KCNIP4: variants seen among roughly 807,000 people sequenced by gnomAD.
KCNIP4 encodes the protein potassium voltage-gated channel interacting protein 4.
A neutral mutation model predicts 34.0 loss-of-function variants in KCNIP4; 12 were observed. The observed-to-expected ratio is 0.35, with a 90% confidence interval of 0.23 to 0.57. KCNIP4 has a LOEUF of 0.57. KCNIP4 is among the 20% of genes least tolerant of loss of function. The pLI is 0.83. For missense variants in KCNIP4, 238 were observed against 311.7 expected (o/e 0.76, Z 1.78); for synonymous variants, 124 against 102.2 (o/e 1.21, Z -1.29).
intron 1 of KCNIP4, among the ~76,000 whole-genome samples, chr4:21,097,864 A>G (rs184970932): frequency 1.3e-5 from 2 of 152,298 alleles, no homozygotes; most frequent in African/African-American, 4.8e-5. Context: ...GGTTAAGTTT[A>G]GTAAGGAATG....
At chr4:21,547,737 T>A (rs1160779522) in intron 1 of KCNIP4, among the ~76,000 whole-genome samples, 2 of 152,098 alleles carry the variant, frequency 1.3e-5, no homozygotes, top group Non-Finnish European at 2.9e-5. Flanking sequence ...GATTTCAGAT[T>A]TTTTTTGGAT....
intron 1 of KCNIP4, among the ~76,000 whole-genome samples, chr4:21,270,228 G>A (rs529511120): frequency 2.0e-5 from 3 of 152,186 alleles, no homozygotes; most frequent in South Asian, 2.1e-4. Context: ...ACACTTACAC[G>A]GAAATCCAGA....
chr4:21,332,496 G>A (rs1715756720), intron 1 of KCNIP4, among the ~76,000 whole-genome samples: 3 of 152,018 alleles, frequency 2.0e-5, no homozygotes, highest in East Asian at 1.9e-4. Flanking sequence ...AAAGAGAACT[G>A]TCAATTCTAC....
intron 3 of KCNIP4, among the ~76,000 whole-genome samples, chr4:20,804,635 C>A (rs1054603089): frequency 5.9e-5 from 9 of 152,120 alleles, no homozygotes; most frequent in African/African-American, 2.2e-4. Flanking sequence ...CTTAAGAAAG[C>A]ACCTTTTGTT....
chr4:21,492,032 A>G (rs961617648), intron 1 of KCNIP4, among the ~76,000 whole-genome samples: 2 of 152,188 alleles, frequency 1.3e-5, no homozygotes, highest in East Asian at 3.9e-4. Context: ...TAGATTCTCT[A>G]CTGTATCCAA....
Position 20,909,796 on chromosome 4 carries a change from T to C in KCNIP4, c.62-27087A>G, listed in dbSNP as rs372899877. ...TTTTTTTCATGGATGGGTGAAGGCTTATGCTTTTGTGATGACAGTCATGAC... is the reference window on the plus strand; with the variant it reads ...TTTTTTTCATGGATGGGTGAAGGCTCATGCTTTTGTGATGACAGTCATGAC... On this transcript the variant is annotated intron_variant, in intron 1 of 8. Coordinates refer to ENST00000382152, the MANE Select transcript of KCNIP4 (RefSeq NM_025221.6). Among the ~76,000 whole-genome samples the C allele has an allele frequency of 1.6e-4, 25 of 152,278 alleles. No individual in the cohort carries two copies. The South Asian group carries it at 3.3e-3, about 20-fold the overall frequency.
intron 1 of KCNIP4, among the ~76,000 whole-genome samples, chr4:21,764,249 T>A (rs1261241507): frequency 1.3e-5 from 2 of 152,064 alleles, no homozygotes; most frequent in African/African-American, 4.8e-5. Context: ...AATGTGGCCA[T>A]AACACCAGCC....
chr4:21,093,606 G>A (rs967880811), intron 1 of KCNIP4, among the ~76,000 whole-genome samples: 4 of 152,052 alleles, frequency 2.6e-5, no homozygotes, highest in Non-Finnish European at 4.4e-5. Context: ...TCAAACACAT[G>A]TTTATAAATC....
At chr4:21,212,970 G>A (rs1463870846) in intron 1 of KCNIP4, among the ~76,000 whole-genome samples, 2 of 152,158 alleles carry the variant, frequency 1.3e-5, no homozygotes, top group Non-Finnish European at 2.9e-5. Flanking sequence ...TTTCATTGGA[G>A]AGGTGATTAG....
chr4:21,549,273 T>C (rs996912079), intron 1 of KCNIP4, among the ~76,000 whole-genome samples: 2 of 152,000 alleles, frequency 1.3e-5, no homozygotes, highest in Non-Finnish European at 2.9e-5. Context: ...AACTACCTGA[T>C]ACAATTTGGA....
intron 3 of KCNIP4, among the ~76,000 whole-genome samples, chr4:20,798,542 C>A (rs1713794214): frequency 6.6e-6 from 1 of 151,796 alleles, no homozygotes; most frequent in Admixed American, 6.6e-5. Context: ...CACACACAGA[C>A]ACACAAAAAA....
intron 3 of KCNIP4, among the ~76,000 whole-genome samples, chr4:20,812,866 C>A (rs1181449840): frequency 6.6e-6 from 1 of 152,014 alleles, no homozygotes; most frequent in Non-Finnish European, 1.5e-5. Context: ...AAATCTGAGT[C>A]TAATGATAAC....
At chr4:21,903,970 A>G (rs1727850783) in intron 1 of KCNIP4, among the ~76,000 whole-genome samples, 1 of 152,216 alleles carries the variant, frequency 6.6e-6, no homozygotes, top group African/African-American at 2.4e-5. Context: ...TGTTAAAAAG[A>G]AATGGGACTT....
At chr4:21,613,884 C>T (rs745958480) in intron 1 of KCNIP4, among the ~76,000 whole-genome samples, 2 of 151,966 alleles carry the variant, frequency 1.3e-5, no homozygotes, top group Non-Finnish European at 2.9e-5. Flanking sequence ...ATGGTCCATG[C>T]CTGTAAGCCC....
At chr4:21,889,613 G>A (rs571627157) in intron 1 of KCNIP4, among the ~76,000 whole-genome samples, 3 of 152,194 alleles carry the variant, frequency 2.0e-5, no homozygotes, top group African/African-American at 4.8e-5. Flanking sequence ...GCTTAAGTAC[G>A]AAAAGGGTTT....
At chr4:21,293,681 T>C (rs1297892231) in intron 1 of KCNIP4, among the ~76,000 whole-genome samples, 1 of 152,214 alleles carries the variant, frequency 6.6e-6, no homozygotes, top group Non-Finnish European at 1.5e-5. Context: ...ACAAGATCTT[T>C]TAAGATTACA....
intron 1 of KCNIP4, among the ~76,000 whole-genome samples, chr4:21,178,843 T>C (rs568534974): frequency 6.9e-6 from 1 of 145,922 alleles, no homozygotes; most frequent in South Asian, 2.2e-4. Flanking sequence ...TTGTTTTGAG[T>C]GTCTCATTCA....
intron 3 of KCNIP4, among the ~76,000 whole-genome samples, chr4:20,825,748 T>C (rs546687519): frequency 6.6e-6 from 1 of 152,194 alleles, no homozygotes; most frequent in South Asian, 2.1e-4. Context: ...GTGCTCTTCT[T>C]AGGAGAATGC....
At chr4:20,853,825 G>T (rs1223014762) in intron 2 of KCNIP4, among the ~76,000 whole-genome samples, 2 of 152,060 alleles carry the variant, frequency 1.3e-5, no homozygotes, top group African/African-American at 4.8e-5. Flanking sequence ...CCATCAAAAA[G>T]TAAGCTAAAG....
Sources: gnomAD v4.1 joint callset for allele counts (sites outside exome capture counted in the v4.1 genomes callset) on GRCh38, gnomAD v4.1.1 for gene constraint, MANE v1.5 for transcripts, NCBI Gene and HGNC (gene_info 2026-07-23, HGNC 2026-07-21) for gene names.